Variants in CHD1 observed in about 807,000 individuals in gnomAD.
The protein encoded by CHD1 is ATP-dependent chromatin remodeler CHD1.
A neutral mutation model predicts 224.2 loss-of-function variants in CHD1; 36 were observed. That is an observed-to-expected ratio of 0.16 (90% CI 0.12 to 0.21). CHD1 has a LOEUF of 0.21. Ranked by LOEUF, CHD1 falls within the 10% of genes least tolerant of loss-of-function variation. The pLI is 1.00. For synonymous variants in CHD1, 668 were observed against 658.3 expected, an observed-to-expected ratio of 1.01 and a Z score of -0.23; for missense variants, 1,378 against 1,994.8, an observed-to-expected ratio of 0.69 and a Z score of 5.89.
In CHD1 at chr5:98,898,441, G is replaced by T. The variant is rs1419719552; in HGVS notation, c.1187-7C>A. ...GACTTTTGATTGGAATGAGCTGTGAGAGAATCAGGCATTTACTTATTTATT... is the reference window on the plus strand; with the variant it reads ...GACTTTTGATTGGAATGAGCTGTGATAGAATCAGGCATTTACTTATTTATT... On this transcript the variant is annotated splice_polypyrimidine_tract_variant and splice_region_variant and intron_variant, in intron 9 of 35. Transcript: ENST00000614616. 1 of 1,551,008 alleles carries T rather than the reference G, an allele frequency of 6.4e-7. No homozygotes were observed. Among genetic ancestry groups the T allele is most frequent in the African/African-American group, 1.4e-5 (1 of 71,782 alleles).
chr5:98,914,108 G>A (rs891458753), intron 2 of CHD1, among the ~76,000 whole-genome samples: 1 of 152,124 alleles, frequency 6.6e-6, no homozygotes, highest in Non-Finnish European at 1.5e-5. Context: ...CATGTGAGTA[G>A]GTTCTGGCCA....
intron 7 of CHD1, among the ~76,000 whole-genome samples, chr5:98,900,234 A>G (rs1751607958): frequency 6.7e-6 from 1 of 149,964 alleles, no homozygotes; most frequent in African/African-American, 2.5e-5. Context: ...GTGAGCTGAG[A>G]CCGTGCCACT....
At chr5:98,859,585 T>C (rs375526651) in intron 33 of CHD1, among the ~76,000 whole-genome samples, 3 of 152,128 alleles carry the variant, frequency 2.0e-5, no homozygotes, top group East Asian at 3.8e-4. Context: ...TAATAACACA[T>C]ATATTTTTGG....
intron 7 of CHD1, among the ~76,000 whole-genome samples, chr5:98,900,032 C>T (rs1751593570): frequency 6.6e-6 from 1 of 152,044 alleles, no homozygotes; most frequent in Non-Finnish European, 1.5e-5. Flanking sequence ...CCTGTAATCC[C>T]AGCAATTTGG....
intron 2 of CHD1, among the ~76,000 whole-genome samples, chr5:98,918,840 T>C (rs1752917007): frequency 6.6e-6 from 1 of 152,008 alleles, no homozygotes; most frequent in Admixed American, 6.6e-5. Context: ...AAACTACATT[T>C]CTCATCATTA....
At chr5:98,924,816 A>G (rs1471624783) in intron 2 of CHD1, among the ~76,000 whole-genome samples, 1 of 152,080 alleles carries the variant, frequency 6.6e-6, no homozygotes, top group African/African-American at 2.4e-5. Flanking sequence ...TCTCTACAAA[A>G]AAAATACAAA....
chr5:98,858,067 G>C (rs1748174312), intron 35 of CHD1, 113 bp downstream of exon 35: 1 of 744,448 alleles, frequency 1.3e-6, no homozygotes, highest in Non-Finnish European at 2.3e-6. Flanking sequence ...TATTTCACAA[G>C]ATTTGTTTTG....
In CHD1 at chr5:98,898,357, T is replaced by C. The variant is rs765581372; in HGVS notation, c.1264A>G (p.Ser422Gly). 1 of 1,603,010 alleles carries C rather than the reference T, an allele frequency of 6.2e-7. No homozygotes were observed. Among genetic ancestry groups the C allele is most frequent in the Non-Finnish European group, 8.5e-7 (1 of 1,175,172 alleles). Reference protein sequence around the residue: ...KWQGLPYSECSWEDGALISKK... With the variant: ...KWQGLPYSECGWEDGALISKK... ...GAAATGAGAGCTCCATCTTCCCAGC[T>C]GCACTCTGAGTATGGAAGGCCCTGC... The change falls in exon 10 of 36, where the codon AGC becomes GGC. Residue 422 changes from serine (S) to glycine (G), a missense_variant. Physicochemically the swap from Ser to Gly is moderately conservative, Grantham distance 56 (BLOSUM62 0). Around this residue, in one of 16 missense-constraint regions of CHD1, gnomAD observed 86 missense variants for 97.7 expected, o/e 0.88. Transcript: ENST00000614616.
intron 2 of CHD1, among the ~76,000 whole-genome samples, chr5:98,905,621 A>G (rs1228912333): frequency 6.6e-6 from 1 of 152,234 alleles, no homozygotes; most frequent in Non-Finnish European, 1.5e-5. Flanking sequence ...ATAATTTATT[A>G]TAACCGAGCT....
chr5:98,911,477 G>A (rs1752418927), intron 2 of CHD1, among the ~76,000 whole-genome samples: 1 of 151,920 alleles, frequency 6.6e-6, no homozygotes, highest in Non-Finnish European at 1.5e-5. Context: ...CTACATCTAG[G>A]GGAAGTTTGC....
chr5:98,899,897 CCCT>C (rs1384075274), intron 7 of CHD1, among the ~76,000 whole-genome samples, 192 bp from the exon 8 acceptor site: 4 of 151,856 alleles, frequency 2.6e-5, no homozygotes, highest in African/African-American at 4.8e-5. Flanking sequence ...TAATATAATC[CCCT>C]CCTTTTTCGA....
intron 2 of CHD1, among the ~76,000 whole-genome samples, chr5:98,911,617 T>C (rs1439859205): frequency 2.6e-5 from 4 of 152,126 alleles, no homozygotes; most frequent in African/African-American, 7.2e-5. Context: ...GCATCACTAA[T>C]AGGGACAGAC....
At chr5:98,910,236 G>A (rs1437164939) in intron 2 of CHD1, among the ~76,000 whole-genome samples, 2 of 152,006 alleles carry the variant, frequency 1.3e-5, no homozygotes, top group African/African-American at 4.8e-5. Context: ...TGAGTTGGTT[G>A]CAAATGGCAC....
chr5:98,918,281 G>C (rs1169620962), intron 2 of CHD1, among the ~76,000 whole-genome samples: 1 of 151,130 alleles, frequency 6.6e-6, no homozygotes, highest in Admixed American at 6.6e-5. Context: ...GGATGGTCTC[G>C]ATCTCCTGAC....
intron 2 of CHD1, among the ~76,000 whole-genome samples, chr5:98,912,330 A>G (rs1011266760): frequency 6.6e-6 from 1 of 152,234 alleles, no homozygotes; most frequent in Non-Finnish European, 1.5e-5. Flanking sequence ...ATAACTTAAC[A>G]AAACTTTTTA....
At position 98,881,983 on chromosome 5, in the gene CHD1, GGCA is replaced by G. The variant is rs1219501315; in HGVS notation, c.2856_2858del (p.Ala953del). 1 of 1,612,372 alleles carries G rather than the reference GGCA, an allele frequency of 6.2e-7. No homozygotes were observed. Among genetic ancestry groups the G allele is most frequent in the East Asian group, 2.2e-5 (1 of 44,806 alleles). The stretch of plus-strand genomic sequence containing the variant: ...AATAATCAAGTAACCACCTTGATGG[GGCA>G]GAACCTGTATGTAGTACTGTCTTCC... On this transcript the variant is annotated inframe_deletion, in exon 20 of 36. Coordinates refer to ENST00000614616, the MANE Select transcript of CHD1 (RefSeq NM_001270.4).
At chr5:98,881,251 CCTTT>C (rs1750158069) in intron 21 of CHD1, 24 bp downstream of exon 21, 2 of 988,196 alleles carry the variant, frequency 2.0e-6, no homozygotes, top group Non-Finnish European at 2.9e-6. Flanking sequence ...CTGAGGCAGG[CCTTT>C]TTTTTTTTTT....
At chr5:98,901,388 AT>A (rs1457974096) in intron 5 of CHD1, 53 bp from the exon 6 acceptor site, 2 of 1,430,554 alleles carry the variant, frequency 1.4e-6, no homozygotes, top group African/African-American at 2.9e-5. Flanking sequence ...GGCAAGTTTT[AT>A]CCCTAATACA....
rs1427945149 is a variant in CHD1, at chr5:98,899,510, T to C, written c.1055A>G (p.Tyr352Cys). 6.2e-7 allele frequency: 1 copy of C among 1,612,102 alleles called. No homozygotes were observed. Among genetic ancestry groups the C allele is most frequent in the Admixed American group, 1.7e-5 (1 of 60,002 alleles). ...TTTTGTTTCCTGATCTTTTTTCTTA[T>C]AATTATCCAATTTTTTCATTCCTCT... Reference protein sequence around the residue: ...NVRGMKKLDNYKKKDQETKRW... With the variant: ...NVRGMKKLDNCKKKDQETKRW... The change falls in exon 8 of 36, where the codon TAT (tyrosine) becomes TGT (cysteine). Residue 352 changes from tyrosine (Y) to cysteine (C), a missense_variant. This residue lies in a region of CHD1 where 15 missense variants were observed against 16.2 expected (regional missense o/e 0.93). Transcript: ENST00000614616.
Sources: allele counts gnomAD v4.1 joint callset (sites outside exome capture counted in the v4.1 genomes callset), GRCh38; gene constraint gnomAD v4.1.1; regional missense constraint gnomAD v4.1.1; transcripts MANE v1.5; gene names NCBI Gene and HGNC (gene_info 2026-07-23, HGNC 2026-07-21).